The following DOCK4 variants were observed in gnomAD, a reference collection of about 807,000 sequenced individuals.
DOCK4 encodes the protein dedicator of cytokinesis protein 4.
A neutral mutation model predicts 268.1 loss-of-function variants in DOCK4; 97 were observed. The ratio of observed to expected loss-of-function variants is 0.36; its 90% CI spans 0.31 to 0.43. DOCK4 has a LOEUF of 0.43. Among genes scored for constraint, DOCK4 ranks in the 20% least tolerant of loss-of-function variants. The pLI, the probability that DOCK4 is intolerant of heterozygous loss-of-function variation, is 1.00. For synonymous variants in DOCK4, 954 were observed against 887.2 expected (o/e 1.08, Z -1.34); for missense variants, 2,145 against 2,455.7 (o/e 0.87, Z 2.67).
At chr7:111,859,562 ATTTTTT>A (rs140285833) in intron 23 of DOCK4, among the ~76,000 whole-genome samples, 3 of 102,156 alleles carry the variant, frequency 2.9e-5, no homozygotes, top group South Asian at 2.9e-4. Context: ...GTGTGTGTTA[ATTTTTT>A]TTTTTTTTTT....
intron 42 of DOCK4, among the ~76,000 whole-genome samples, chr7:111,750,553 C>T (rs1300698713): frequency 1.3e-5 from 2 of 152,086 alleles, no homozygotes; most frequent in African/African-American, 4.8e-5. Flanking sequence ...AGGGACTCCA[C>T]CTATAATTCT....
intron 8 of DOCK4, among the ~76,000 whole-genome samples, chr7:111,953,185 G>A (rs575814964): frequency 6.7e-6 from 1 of 149,698 alleles, no homozygotes; most frequent in South Asian, 2.1e-4. Context: ...TGATATCTGG[G>A]ATAACAGAAT....
chr7:112,147,846 A>G (rs371043259), intron 1 of DOCK4, among the ~76,000 whole-genome samples: 1 of 129,564 alleles, frequency 7.7e-6, no homozygotes, highest in African/African-American at 2.9e-5. Context: ...AGCCACCACC[A>G]GGAGGAGGCT....
At chr7:111,986,933 T>G (rs561035015) in intron 6 of DOCK4, among the ~76,000 whole-genome samples, 1 of 152,378 alleles carries the variant, frequency 6.6e-6, no homozygotes, top group East Asian at 1.9e-4. Context: ...GCAGCTTATT[T>G]TGCAGGACAA....
At chr7:111,866,947 T>C (rs1050565260) in intron 22 of DOCK4, among the ~76,000 whole-genome samples, 2 of 152,202 alleles carry the variant, frequency 1.3e-5, no homozygotes, top group African/African-American at 4.8e-5. Flanking sequence ...GTTTAGCTAG[T>C]AGTGGGCAAC....
intron 1 of DOCK4, among the ~76,000 whole-genome samples, chr7:112,023,947 AAAC>A (rs1328701656): frequency 6.6e-6 from 1 of 152,240 alleles, no homozygotes; most frequent in African/African-American, 2.4e-5. Flanking sequence ...CGCAGTACAG[AAAC>A]ATGTCTCTTT....
In DOCK4 at chr7:111,895,860, T is replaced by C. The variant is rs940297196; in HGVS notation, c.1481-142A>G. On this transcript the variant is annotated intron_variant, in intron 15 of 52. Transcript: ENST00000428084. ...GCAGCACAGCTTTTCTGATAGGCCA[T>C]CTATATAGAGCAGCCACCCTCTAAT... 16 of 730,386 alleles carry C rather than the reference T, an allele frequency of 2.2e-5. No individual in the cohort carries two copies. The African/African-American group carries it at 2.8e-4, about 13-fold the overall frequency. 45.2% of individuals were successfully genotyped at this position (730,386 alleles called of 1,614,324 possible). A position where few individuals can be genotyped will look rare whatever the true frequency, so the allele number is the denominator to read the frequency against.
intron 12 of DOCK4, among the ~76,000 whole-genome samples, chr7:111,916,183 A>G (rs1792571397): frequency 2.0e-5 from 3 of 152,016 alleles, no homozygotes; most frequent in South Asian, 4.2e-4. Context: ...CTCTCCTCCA[A>G]CCCTAGTCTG....
intron 8 of DOCK4, chr7:111,976,931 T>A: frequency 2.0e-6 from 1 of 495,050 alleles, no homozygotes; most frequent in Non-Finnish European, 3.5e-6. Flanking sequence ...CCTTATGAAT[T>A]TTTCAAAGAA....
intron 1 of DOCK4, among the ~76,000 whole-genome samples, chr7:112,012,575 C>A (rs1284291804): frequency 6.6e-6 from 1 of 152,142 alleles, no homozygotes; most frequent in Non-Finnish European, 1.5e-5. Context: ...AAGGCAACTG[C>A]TTTTCCCACA....
At chr7:111,933,842 C>T (rs1794471618) in intron 12 of DOCK4, among the ~76,000 whole-genome samples, 1 of 152,172 alleles carries the variant, frequency 6.6e-6, no homozygotes, top group African/African-American at 2.4e-5. Context: ...GACCTCACCA[C>T]TCATTATAGT....
intron 44 of DOCK4, among the ~76,000 whole-genome samples, chr7:111,742,732 G>A (rs1007236078): frequency 3.3e-5 from 5 of 152,164 alleles, no homozygotes; most frequent in Admixed American, 6.5e-5. Flanking sequence ...GGTGGCTCAC[G>A]CCTGTAATCC....
chr7:111,883,017 A>C (rs28528717), intron 16 of DOCK4, among the ~76,000 whole-genome samples: 23,389 of 152,126 alleles, frequency 0.15, 1,997 homozygotes, highest in Non-Finnish European at 0.19. Context: ...CAGAAACACC[A>C]ATACAAACAT....
At chr7:111,849,401 T>C (rs1229334482) in intron 23 of DOCK4, among the ~76,000 whole-genome samples, 1 of 151,988 alleles carries the variant, frequency 6.6e-6, no homozygotes, top group South Asian at 2.1e-4. Flanking sequence ...TAGCTGGGAC[T>C]ACATGCACGT....
At chr7:111,914,197 A>G (rs67562148) in intron 13 of DOCK4, among the ~76,000 whole-genome samples, 32,088 of 151,980 alleles carry the variant, frequency 0.21, 3,414 homozygotes, top group African/African-American at 0.23. Context: ...CTCAAAGTAT[A>G]AACAGGTCTT....
At chr7:111,775,251 C>T (rs990837978) in intron 36 of DOCK4, among the ~76,000 whole-genome samples, 1 of 152,144 alleles carries the variant, frequency 6.6e-6, no homozygotes, top group Non-Finnish European at 1.5e-5. Flanking sequence ...ATTCTGGGAA[C>T]AGAAGTACCA....
At chr7:111,909,977 G>GAA (rs1200280109) in intron 13 of DOCK4, among the ~76,000 whole-genome samples, 4 of 108,368 alleles carry the variant, frequency 3.7e-5, no homozygotes, top group South Asian at 3.3e-4. Flanking sequence ...AAAGAAAAAA[G>GAA]AAAAAAAAAA....
At chr7:112,052,387 T>C (rs572430431) in intron 1 of DOCK4, among the ~76,000 whole-genome samples, 5 of 152,270 alleles carry the variant, frequency 3.3e-5, no homozygotes, top group Admixed American at 2.0e-4. Context: ...GAAAACTCTA[T>C]AGATATAAGT....
intron 16 of DOCK4, 30 bp from the exon 17 acceptor site, chr7:111,877,216 G>T: frequency 7.3e-7 from 1 of 1,378,922 alleles, no homozygotes; most frequent in Non-Finnish European, 9.5e-7. Flanking sequence ...AAACATAAGG[G>T]AAGGGGAAGA....
Sources: allele counts gnomAD v4.1 joint callset (sites outside exome capture counted in the v4.1 genomes callset), GRCh38; gene constraint gnomAD v4.1.1; transcripts MANE v1.5; gene names NCBI Gene and HGNC (gene_info 2026-07-23, HGNC 2026-07-21).